The following GNA15 variants were observed in gnomAD, a reference collection of about 807,000 sequenced individuals.
GNA15 encodes G protein subunit alpha 15.
Under a neutral mutation model 40.1 loss-of-function variants are expected in GNA15, and 23 were observed. The ratio of observed to expected loss-of-function variants is 0.57; its 90% confidence interval spans 0.41 to 0.81. The LOEUF (loss-of-function observed/expected upper bound fraction) is 0.81, where lower values mean the gene tolerates loss of function less well. GNA15 is among the 40% of genes least tolerant of loss of function. The probability of loss-of-function intolerance (pLI) is 0.00; values close to 1 mark genes in which losing one functional copy is unlikely to be tolerated. For missense variants in GNA15, 522 were observed against 515.8 expected (o/e 1.01, Z -0.12); for synonymous variants, 226 against 210.4 (o/e 1.07, Z -0.64).
chr19:3,144,732 G>A (rs757049029), intron 1 of GNA15, among the ~76,000 whole-genome samples: 5 of 150,522 alleles, frequency 3.3e-5, no homozygotes, highest in South Asian at 2.1e-4. Context: ...GTTTCACCGT[G>A]TTAGCCAGGA....
At chr19:3,154,834 T>C (rs1261270390) in intron 4 of GNA15, among the ~76,000 whole-genome samples, 2 of 151,882 alleles carry the variant, frequency 1.3e-5, no homozygotes, top group African/African-American at 2.4e-5. Flanking sequence ...TGGGAAATCA[T>C]GGGGAAGTCT....
At chr19:3,144,358 C>T (rs62127294) in intron 1 of GNA15, among the ~76,000 whole-genome samples, 53,717 of 151,720 alleles carry the variant, frequency 0.35, 9,877 homozygotes, top group South Asian at 0.46. Context: ...GCACTGACTC[C>T]CATTCCTACA....
At chr19:3,159,213 A>G (rs1359537421) in intron 6 of GNA15, among the ~76,000 whole-genome samples, 6 of 149,804 alleles carry the variant, frequency 4.0e-5, no homozygotes, top group Non-Finnish European at 8.9e-5. Context: ...TTTGGTCGAG[A>G]TGGGGTTTCA....
Position 3,147,347 on chromosome 19 carries a change from A to G in GNA15, c.146-1244A>G, listed in dbSNP as rs1914749452. Among the ~76,000 whole-genome samples, 3 of 151,526 alleles carry G rather than the reference A, an allele frequency of 2.0e-5. No homozygotes were observed. In the South Asian group the frequency reaches 6.3e-4, roughly 32 times the overall value. On this transcript the variant is annotated intron_variant, in intron 1 of 6. Transcript: ENST00000262958. The stretch of plus-strand genomic sequence containing the variant: ...GCAGACGGATCACTTGAGCCCAGGA[A>G]TTTGAGACCAGCCTGGCTAACATGG...
At position 3,136,533 on chromosome 19, in the gene GNA15, T is replaced by C. The variant is rs1444156721; in HGVS notation, c.83T>C (p.Ile28Thr). 3 of 1,568,660 alleles carry C rather than the reference T, an allele frequency of 1.9e-6. No individual in the cohort carries two copies. The highest frequency in any genetic ancestry group is 1.2e-5 in the South Asian group (1 of 85,494). Reference sequence around the variant, plus strand: ...GCCGCCGCCCGGGTGGACCAGGAGATCAACAGGATCCTCTTGGAGCAGAAG... The same window carrying C: ...GCCGCCGCCCGGGTGGACCAGGAGACCAACAGGATCCTCTTGGAGCAGAAG... ...EKAAARVDQE[I>T]NRILLEQKKQ... is the part of the protein sequence containing the mutation. The change falls in exon 1 of 7, where the codon ATC (isoleucine) becomes ACC (threonine). Residue 28 changes from isoleucine to threonine, a missense_variant. Coordinates refer to ENST00000262958, the MANE Select transcript of GNA15 (RefSeq NM_002068.4). The surrounding 1 kb of genome is among the most constrained non-coding windows in gnomAD (Gnocchi z 4.9).
In GNA15 at chr19:3,155,315, G is replaced by A. The variant is rs1195754300; in HGVS notation, c.615-508G>A. On this transcript the variant is annotated intron_variant, in intron 4 of 6. Transcript: ENST00000262958. This position sits in a 1 kb window ranked among gnomAD's most constrained non-coding sequence, Gnocchi z 5.6. Reference sequence around the variant, plus strand: ...AGAGAGAACAGGAAGGTGGGGGCAGGGTTCAGGCTTTTGTTACGGTGCGTG... The same window carrying A: ...AGAGAGAACAGGAAGGTGGGGGCAGAGTTCAGGCTTTTGTTACGGTGCGTG... 3.3e-5 allele frequency: 5 copies of A among 153,772 alleles called. No homozygotes were observed. The highest frequency in any genetic ancestry group is 7.2e-5 in the Non-Finnish European group (5 of 69,086). The allele number at this position is 153,772 out of a possible 1,614,324, so 9.5% of individuals were successfully genotyped here.
intron 1 of GNA15, among the ~76,000 whole-genome samples, chr19:3,147,470 T>G (rs1406226480): frequency 6.6e-6 from 1 of 151,116 alleles, no homozygotes; most frequent in Admixed American, 6.6e-5. Context: ...GGAGAATCAC[T>G]TGAACCTGGG....
rs1026937771 is a variant in GNA15, at chr19:3,144,622, C to G, written c.146-3969C>G. 1.2e-4 allele frequency among the ~76,000 whole-genome samples: 17 copies of G among 145,696 alleles called. 1 individual carries two copies. Among genetic ancestry groups the G allele is most frequent in the South Asian group, 6.7e-4 (3 of 4,492 alleles). On this transcript the variant is annotated intron_variant, in intron 1 of 6. Transcript: ENST00000262958. ...CGGCTCATTGCAAGCTCCGCCTCCC[C>G]GGTTCACGCCATTCTCCTGCCTCAG...
chr19:3,142,778 A>T (rs536577765), intron 1 of GNA15, among the ~76,000 whole-genome samples: 6 of 152,196 alleles, frequency 3.9e-5, no homozygotes, highest in African/African-American at 7.2e-5. Context: ...AGGCTGAGGC[A>T]GGAGAATCGC....
chr19:3,149,013 G>T, intron 2 of GNA15: 2 of 511,582 alleles, frequency 3.9e-6, no homozygotes, highest in Non-Finnish European at 6.9e-6. Flanking sequence ...GTATGCACAC[G>T]CACAGACATG....
intron 4 of GNA15, among the ~76,000 whole-genome samples, chr19:3,153,129 G>C (rs900038632): frequency 6.6e-6 from 1 of 152,088 alleles, no homozygotes; most frequent in Non-Finnish European, 1.5e-5. Context: ...TACTGCGAAG[G>C]TCTGCGGCTT....
At chr19:3,152,567 A>G (rs1475541560) in intron 4 of GNA15, among the ~76,000 whole-genome samples, 1 of 152,102 alleles carries the variant, frequency 6.6e-6, no homozygotes, top group African/African-American at 2.4e-5. Context: ...CAGCACCCTA[A>G]CCCTAACCCT....
At chr19:3,150,899 G>GGGGGTGACTCTGTTCCCA (rs1914866787) in intron 3 of GNA15, among the ~76,000 whole-genome samples, 1 of 151,234 alleles carries the variant, frequency 6.6e-6, no homozygotes, top group African/African-American at 2.4e-5. Context: ...CCCTGTTCCC[G>GGGGGTGACTCTGTTCCCA]GGGGTGACTC....
At chr19:3,143,484 T>G (rs1914625056) in intron 1 of GNA15, among the ~76,000 whole-genome samples, 1 of 151,924 alleles carries the variant, frequency 6.6e-6, no homozygotes, top group Non-Finnish European at 1.5e-5. Flanking sequence ...AAACCCTGTC[T>G]CTACTAAAAA....
At position 3,151,766 on chromosome 19, in the gene GNA15, T is replaced by A; in HGVS notation, c.545T>A (p.Val182Glu). The A allele has an allele frequency of 6.2e-7, 1 of 1,612,808 alleles. No homozygotes were observed. The change falls in exon 4 of 7, where the codon GTG (valine) becomes GAG (glutamate). Residue 182 changes from valine to glutamate, a missense_variant. Transcript: ENST00000262958. This position sits in a 1 kb window ranked among gnomAD's most constrained non-coding sequence, Gnocchi z 5.0. ...GGCTACGTCCCCACAGCTCAGGACG[T>A]GCTCCGCAGCCGCATGCCCACCACT... The part of the protein sequence containing the change: ...EEGYVPTAQD[V>E]LRSRMPTTGI...
At chr19:3,157,679 G>A (rs778360531) in intron 5 of GNA15, 49 bp from the exon 6 acceptor site, 4 of 1,571,618 alleles carry the variant, frequency 2.5e-6, no homozygotes, top group Non-Finnish European at 3.5e-6. Flanking sequence ...AGGGTTTCCT[G>A]TCCCACCTGG....
At chr19:3,145,848 G>A (rs905674934) in intron 1 of GNA15, among the ~76,000 whole-genome samples, 2 of 151,280 alleles carry the variant, frequency 1.3e-5, no homozygotes, top group African/African-American at 2.4e-5. Context: ...GTGCCCAGCC[G>A]AGAAAAGCCT....
In GNA15 at chr19:3,136,561, G is replaced by A. The variant is rs1457981465; in HGVS notation, c.111G>A (p.Lys37=). 2 of 1,567,426 alleles carry A rather than the reference G, an allele frequency of 1.3e-6. No homozygotes were observed. The highest frequency in any genetic ancestry group is 1.7e-6 in the Non-Finnish European group (2 of 1,156,340). ...ACAGGATCCTCTTGGAGCAGAAGAA[G>A]CAGGACCGCGGGGAGCTGAAGCTGC... ...EINRILLEQK[K]QDRGELKLLL... is the part of the protein sequence containing the mutation. The change falls in exon 1 of 7, where the codon AAG becomes AAA. Residue 37 remains lysine (K), a synonymous_variant. Coordinates refer to ENST00000262958, the MANE Select transcript of GNA15 (RefSeq NM_002068.4). This position sits in a 1 kb window ranked among gnomAD's most constrained non-coding sequence, Gnocchi z 4.9.
At position 3,136,428 on chromosome 19, in the gene GNA15, G is replaced by A. The variant is rs996390197; in HGVS notation, c.-23G>A. ...AGGGGCCCGGGGGCGATGCCACCCG[G>A]TGCCGACTGAGGCCACCGCACCATG... On this transcript the variant is annotated 5_prime_UTR_variant, in exon 1 of 7. It adds an upstream start codon to the 5' untranslated region. Coordinates refer to ENST00000262958, the MANE Select transcript of GNA15 (RefSeq NM_002068.4). This position sits in a 1 kb window ranked among gnomAD's most constrained non-coding sequence, Gnocchi z 4.9. The A allele has an allele frequency of 9.1e-6, 14 of 1,546,102 alleles. No individual in the cohort carries two copies. The African/African-American group carries it at 1.8e-4, about 20-fold the overall frequency.
Sources: gnomAD v4.1 joint callset for allele counts (sites outside exome capture counted in the v4.1 genomes callset) on GRCh38, gnomAD v4.1.1 for gene constraint, Gnocchi (gnomAD v3.1) non-coding constraint, MANE v1.5 for transcripts, NCBI Gene and HGNC (gene_info 2026-07-23, HGNC 2026-07-21) for gene names.